The following PHF21B variants were observed in gnomAD, a reference collection of about 807,000 sequenced individuals.
The protein encoded by PHF21B is PHD finger protein 21B.
In PHF21B, 22 loss-of-function variants were observed where a neutral mutation model predicts 62.2. The observed-to-expected ratio is 0.35, with a 90% CI of 0.25 to 0.51. The LOEUF is 0.51. Among genes scored for constraint, PHF21B ranks in the 20% least tolerant of loss-of-function variants. The probability of loss-of-function intolerance (pLI) is 0.97; values close to 1 mark genes in which losing one functional copy is unlikely to be tolerated. For synonymous variants in PHF21B, 341 were observed against 314.7 expected (o/e 1.08, Z -0.88); for missense variants, 701 against 707.9 (o/e 0.99, Z 0.11).
chr22:44,884,486 CATG>C (rs1445744476), intron 12 of PHF21B, among the ~76,000 whole-genome samples: 1 of 148,350 alleles, frequency 6.7e-6, no homozygotes, highest in East Asian at 2.0e-4. Context: ...TCACCACCAC[CATG>C]ATCACCATCG....
chr22:44,975,242 G>A (rs1001834601), intron 2 of PHF21B, among the ~76,000 whole-genome samples: 1 of 152,176 alleles, frequency 6.6e-6, no homozygotes. Context: ...AGACACTTCA[G>A]CTCCCTCAGC....
At chr22:44,925,548 C>T (rs1440453823) in intron 2 of PHF21B, among the ~76,000 whole-genome samples, 1 of 152,158 alleles carries the variant, frequency 6.6e-6, no homozygotes, top group East Asian at 1.9e-4. Context: ...AACCAAATGA[C>T]CCACATTCCC....
chr22:45,002,751 G>A (rs1205761210), intron 2 of PHF21B: 2 of 152,366 alleles, frequency 1.3e-5, no homozygotes, highest in Admixed American at 6.5e-5. Context: ...TCAACTCGAG[G>A]CCCTCCGGCC....
At chr22:44,910,519 C>G (rs2071326667) in intron 5 of PHF21B, among the ~76,000 whole-genome samples, 2 of 152,106 alleles carry the variant, frequency 1.3e-5, no homozygotes, top group African/African-American at 4.8e-5. Context: ...GCGGGTCTTT[C>G]CTGTGCTGTT....
At chr22:44,982,751 T>C (rs138431851) in intron 2 of PHF21B, among the ~76,000 whole-genome samples, 3 of 152,356 alleles carry the variant, frequency 2.0e-5, no homozygotes, top group African/African-American at 7.2e-5. Context: ...GTGATTTTTA[T>C]CTGGAAATCA....
At chr22:44,903,519 G>A (rs770961646) in intron 5 of PHF21B, among the ~76,000 whole-genome samples, 1 of 152,148 alleles carries the variant, frequency 6.6e-6, no homozygotes, top group Non-Finnish European at 1.5e-5. Context: ...TGCAGGGGGA[G>A]TCTCAGTTCT....
At chr22:45,004,285 T>C (rs2073273401) in intron 2 of PHF21B, among the ~76,000 whole-genome samples, 1 of 151,990 alleles carries the variant, frequency 6.6e-6, no homozygotes, top group Non-Finnish European at 1.5e-5. Context: ...GTAGACGCAG[T>C]GAAGGGGCTA....
chr22:44,905,782 C>A (rs1349198519), intron 5 of PHF21B, among the ~76,000 whole-genome samples: 1 of 152,218 alleles, frequency 6.6e-6, no homozygotes, highest in East Asian at 1.9e-4. Flanking sequence ...GCACCCGCCA[C>A]CAGGCCTGGC....
rs897841046 is a variant in PHF21B, at chr22:44,994,610, C to G, written c.120+13935G>C. Among the ~76,000 whole-genome samples the G allele has an allele frequency of 2.0e-5, 3 of 152,204 alleles. No homozygotes were observed. The East Asian group carries it at 5.8e-4, about 29-fold the overall frequency. The stretch of plus-strand genomic sequence containing the variant: ...CGGCAGCCACAGGACACTCACACAG[C>G]AGAGAAGAAAGCTAAGGCTCAGAGA... On this transcript the variant is annotated intron_variant, in intron 2 of 12. Transcript: ENST00000313237.
At chr22:44,902,441 A>AC (rs2071176551) in intron 5 of PHF21B, 1 of 203,990 alleles carries the variant, frequency 4.9e-6, no homozygotes, top group South Asian at 8.9e-5. Flanking sequence ...TTTCTTAAGA[A>AC]CCTAATAAAG....
intron 2 of PHF21B, among the ~76,000 whole-genome samples, chr22:44,969,674 A>G (rs2072599683): frequency 6.6e-6 from 1 of 150,538 alleles, no homozygotes; most frequent in Non-Finnish European, 1.5e-5. Flanking sequence ...TCAAAAAAAA[A>G]GAAAAAGAAA....
chr22:44,966,115 C>T (rs1417095933), intron 2 of PHF21B, among the ~76,000 whole-genome samples: 1 of 152,184 alleles, frequency 6.6e-6, no homozygotes, highest in Non-Finnish European at 1.5e-5. Context: ...CTGCCAGATG[C>T]CCTCCCATAT....
rs1463179792 is a variant in PHF21B at position 45,007,567 on chromosome 22, AGGGAGGGAGGGGGCAGC to A, written c.120+961_120+977del. Among the ~76,000 whole-genome samples, 6 of 14,912 alleles carry A rather than the reference AGGGAGGGAGGGGGCAGC, an allele frequency of 4.0e-4. 1 individual carries two copies. The highest frequency in any genetic ancestry group is 2.5e-3 in the South Asian group (1 of 394). 9.8% of individuals were successfully genotyped at this position (14,912 alleles called of 152,430 possible). On this transcript the variant is annotated intron_variant, in intron 2 of 12. Transcript: ENST00000313237. ...CGCGGGCGGGGGCGGGGCGCGAAGG[AGGGAGGGAGGGGGCAGC>A]GGAGGGAGGGAGGGGCGCCGCCGCC...
chr22:44,888,397 T>C (rs1601564502), intron 9 of PHF21B, among the ~76,000 whole-genome samples: 3 of 152,242 alleles, frequency 2.0e-5, no homozygotes, highest in South Asian at 2.1e-4. Context: ...GTGACTCCCA[T>C]AACCTGATTC....
intron 2 of PHF21B, among the ~76,000 whole-genome samples, chr22:44,956,809 C>T (rs1246467801): frequency 1.3e-5 from 2 of 152,202 alleles, no homozygotes; most frequent in Admixed American, 1.3e-4. Flanking sequence ...GGGACAGAGG[C>T]CCCTCCACGC....
At chr22:44,981,864 A>T (rs1367821791) in intron 2 of PHF21B, among the ~76,000 whole-genome samples, 1 of 152,250 alleles carries the variant, frequency 6.6e-6, no homozygotes, top group Admixed American at 6.5e-5. Flanking sequence ...AGAAGGTAAC[A>T]AAAGTGTATC....
intron 2 of PHF21B, among the ~76,000 whole-genome samples, chr22:44,958,653 T>C (rs774794310): frequency 4.4e-5 from 6 of 137,526 alleles, no homozygotes; most frequent in African/African-American, 8.1e-5. Flanking sequence ...TCACCCATGC[T>C]GGAGTGCAGT....
At chr22:44,929,820 A>C (rs2071705082) in intron 2 of PHF21B, among the ~76,000 whole-genome samples, 1 of 152,188 alleles carries the variant, frequency 6.6e-6, no homozygotes, top group African/African-American at 2.4e-5. Context: ...ATGCAGCATG[A>C]GGCGGCAGGC....
At chr22:44,936,842 A>G (rs1439558473) in intron 2 of PHF21B, among the ~76,000 whole-genome samples, 1 of 150,798 alleles carries the variant, frequency 6.6e-6, no homozygotes, top group Admixed American at 6.6e-5. Flanking sequence ...GTAATTTAAG[A>G]CAAAAGTTGT....
Sources: gnomAD v4.1 joint callset for allele counts (sites outside exome capture counted in the v4.1 genomes callset) on GRCh38, gnomAD v4.1.1 for gene constraint, MANE v1.5 for transcripts, NCBI Gene and HGNC (gene_info 2026-07-23, HGNC 2026-07-21) for gene names.